GALNT14: variants seen among roughly 807,000 people sequenced by gnomAD.
GALNT14 encodes UDP-GalNAc:polypeptide N-acetylgalactosaminyltransferase 14.
GALNT14 carries 60 observed loss-of-function variants against 77.5 expected under a neutral mutation model. The ratio of observed to expected loss-of-function variants is 0.77; its 90% confidence interval spans 0.63 to 0.96. The LOEUF (loss-of-function observed/expected upper bound fraction) is 0.96, where lower values mean the gene tolerates loss of function less well. GALNT14 is among the 40% of genes least tolerant of loss of function. GALNT14 has a pLI of 0.00. For missense variants in GALNT14, 710 were observed against 731.0 expected, an observed-to-expected ratio of 0.97 and a Z score of 0.33; for synonymous variants, 280 against 281.7, an observed-to-expected ratio of 0.99 and a Z score of 0.06.
At position 30,993,801 on chromosome 2, in the gene GALNT14, G is replaced by A. The variant is rs77492905; in HGVS notation, c.130-794C>T. 5.8e-3 allele frequency among the ~76,000 whole-genome samples: 887 copies of A among 152,290 alleles called. 9 individuals carry two copies. Among genetic ancestry groups the A allele is most frequent in the Middle Eastern group, 0.024 (7 of 294 alleles). ...CTGGCTTGTCTGAGGTCACACAGGT[G>A]GGAAGGGGCAGAGCTCAAAGCAGAG... On this transcript the variant is annotated intron_variant, in intron 1 of 14. Transcript: ENST00000349752.
chr2:31,003,007 T>C (rs113504028), intron 1 of GALNT14, among the ~76,000 whole-genome samples: 1 of 152,244 alleles, frequency 6.6e-6, no homozygotes, highest in Non-Finnish European at 1.5e-5. Flanking sequence ...ATTTAACTGA[T>C]GTGCAGAAAT....
At chr2:30,968,741 T>C (rs967963445) in intron 2 of GALNT14, among the ~76,000 whole-genome samples, 1 of 152,274 alleles carries the variant, frequency 6.6e-6, no homozygotes, top group South Asian at 2.1e-4. Flanking sequence ...ACTGTGAAGA[T>C]AATCGATGAT....
intron 1 of GALNT14, among the ~76,000 whole-genome samples, chr2:31,023,743 C>T (rs1671874324): frequency 1.3e-5 from 2 of 152,076 alleles, no homozygotes; most frequent in South Asian, 2.1e-4. Context: ...TGTGACACTT[C>T]CCTCCTCTGC....
At chr2:31,108,404 C>T (rs937324858) in intron 1 of GALNT14, among the ~76,000 whole-genome samples, 1 of 152,202 alleles carries the variant, frequency 6.6e-6, no homozygotes, top group Non-Finnish European at 1.5e-5. Flanking sequence ...AGGCTGGACA[C>T]GTCACCCGCT....
intron 1 of GALNT14, chr2:31,132,615 T>G (rs1018661702): frequency 7.2e-6 from 3 of 417,480 alleles, no homozygotes; most frequent in Non-Finnish European, 1.5e-5. Flanking sequence ...AAATTGACAG[T>G]GAAAGAGAAC....
At chr2:31,108,914 AGTAAGT>A (rs1400865054) in intron 1 of GALNT14, among the ~76,000 whole-genome samples, 1 of 152,258 alleles carries the variant, frequency 6.6e-6, no homozygotes, top group Non-Finnish European at 1.5e-5. Context: ...TCAGGTTCTA[AGTAAGT>A]TCTGCCATTA....
chr2:30,910,280 C>A (rs899221397), downstream of GALNT14, among the ~76,000 whole-genome samples: 1 of 151,968 alleles, frequency 6.6e-6, no homozygotes, highest in Admixed American at 6.5e-5. Flanking sequence ...AATGGTGGGT[C>A]AAAGAAGTTA....
chr2:31,008,751 T>C (rs1333835650), intron 1 of GALNT14, among the ~76,000 whole-genome samples: 5 of 152,254 alleles, frequency 3.3e-5, no homozygotes, highest in Non-Finnish European at 5.9e-5. Flanking sequence ...ATGCTCTGTT[T>C]ATACGGATTT....
intron 13 of GALNT14, among the ~76,000 whole-genome samples, chr2:30,921,955 T>G (rs561712412): frequency 1.4e-4 from 22 of 152,098 alleles, no homozygotes; most frequent in Non-Finnish European, 2.2e-4. Flanking sequence ...GTGCTGAGAT[T>G]AAGGAATGCT....
chr2:30,993,792 C>A (rs777457768), intron 1 of GALNT14, among the ~76,000 whole-genome samples: 3 of 152,178 alleles, frequency 2.0e-5, no homozygotes, highest in Non-Finnish European at 4.4e-5. Context: ...TGTCTGAGGT[C>A]ACACAGGTGG....
chr2:31,059,015 T>C (rs1421412973), intron 1 of GALNT14, among the ~76,000 whole-genome samples: 1 of 152,172 alleles, frequency 6.6e-6, no homozygotes, highest in African/African-American at 2.4e-5. Flanking sequence ...ATTGAAGAGA[T>C]ACGGTCATCT....
rs113236325 is a variant in GALNT14 at position 31,133,113 on chromosome 2, TA to T, written c.129+4844del. On this transcript the variant is annotated intron_variant, in intron 1 of 14. Coordinates refer to ENST00000349752, the MANE Select transcript of GALNT14 (RefSeq NM_024572.4). Reference sequence around the variant, plus strand: ...GGCCCCCTACCCGCCAGATTATCCTTAAAAAAAAACCCAGTCTCTGAATTTT... The same window carrying T: ...GGCCCCCTACCCGCCAGATTATCCTTAAAAAAAACCCAGTCTCTGAATTTT... 6.8e-3 allele frequency among the ~76,000 whole-genome samples: 1,030 copies of T among 151,064 alleles called. 22 individuals are homozygous for T. The highest frequency in any genetic ancestry group is 0.024 in the African/African-American group (987 of 41,188).
intron 1 of GALNT14, among the ~76,000 whole-genome samples, chr2:31,058,798 CA>C (rs1674403370): frequency 1.3e-5 from 2 of 152,246 alleles, no homozygotes; most frequent in Admixed American, 1.3e-4. Flanking sequence ...TTGGATGAGA[CA>C]AAGTTCGGAG....
intron 2 of GALNT14, among the ~76,000 whole-genome samples, chr2:30,985,511 T>A (rs2148387202): frequency 6.6e-6 from 1 of 152,282 alleles, no homozygotes; most frequent in South Asian, 2.1e-4. Context: ...GGAGCCCCTG[T>A]GGCCGTTCCT....
chr2:30,956,266 G>A (rs1256671243), intron 4 of GALNT14, among the ~76,000 whole-genome samples: 2 of 152,158 alleles, frequency 1.3e-5, no homozygotes, highest in Non-Finnish European at 2.9e-5. Context: ...GTTCCAGGTG[G>A]AAAATCTTGG....
intron 2 of GALNT14, among the ~76,000 whole-genome samples, chr2:30,990,098 TG>T (rs1315986110): frequency 6.6e-6 from 1 of 152,052 alleles, no homozygotes; most frequent in Non-Finnish European, 1.5e-5. Flanking sequence ...TATGGCAAGG[TG>T]GGGAGACATA....
At chr2:30,896,013 G>A in the GALNT14 span, among the ~76,000 whole-genome samples, 1 of 152,156 alleles carries the variant, frequency 6.6e-6, no homozygotes, top group African/African-American at 2.4e-5. Context: ...GGGCAACCTC[G>A]ACCAGTTATT....
rs1392028851 is a variant in GALNT14 at position 30,926,238 on chromosome 2, A to T, written c.1152-1415T>A. Among the ~76,000 whole-genome samples the T allele has an allele frequency of 3.3e-5, 5 of 152,130 alleles. 1 individual carries two copies. Among genetic ancestry groups the T allele is most frequent in the African/African-American group, 1.2e-4 (5 of 41,424 alleles). ...TGCATGATGGTGCAGTGTTACCAAG[A>T]CTTGGTGATCATTTGGATGGGAAAG... is the stretch of plus-strand genomic sequence containing the variant. On this transcript the variant is annotated intron_variant, in intron 11 of 14. Transcript: ENST00000349752.
Position 30,910,882 on chromosome 2 carries a change from C to A in GALNT14, c.*19G>T. On this transcript the variant is annotated 3_prime_UTR_variant, in exon 15 of 15. Coordinates refer to ENST00000349752, the MANE Select transcript of GALNT14 (RefSeq NM_024572.4). ...GGGAAGCACCACCCCATGGCCCTTG[C>A]TGCTTCTGGCAGGGGTCCTCAAGAG... 6.2e-7 allele frequency: 1 copy of A among 1,612,286 alleles called. No individual in the cohort carries two copies. The highest frequency in any genetic ancestry group is 8.5e-7 in the Non-Finnish European group (1 of 1,179,164).
Sources: allele counts gnomAD v4.1 joint callset (sites outside exome capture counted in the v4.1 genomes callset), GRCh38; gene constraint gnomAD v4.1.1; transcripts MANE v1.5; gene names NCBI Gene and HGNC (gene_info 2026-07-23, HGNC 2026-07-21).